Variants in CLVS1 observed in about 807,000 individuals in gnomAD.
CLVS1 encodes the protein clavesin-1.
Under a neutral mutation model 33.1 loss-of-function variants are expected in CLVS1, and 10 were observed. That is an observed-to-expected ratio of 0.30 (90% CI 0.19 to 0.51). The LOEUF (loss-of-function observed/expected upper bound fraction) is 0.51. Ranked by LOEUF, CLVS1 falls within the 20% of genes least tolerant of loss-of-function variation. The pLI, the probability that CLVS1 is intolerant of heterozygous loss-of-function variation, is 0.97. For synonymous variants in CLVS1, 163 were observed against 166.1 expected (o/e 0.98, Z 0.14); for missense variants, 343 against 433.4 (o/e 0.79, Z 1.85).
At chr8:61,149,160 C>G (rs1479824707) in intron 2 of CLVS1, among the ~76,000 whole-genome samples, 1 of 151,994 alleles carries the variant, frequency 6.6e-6, no homozygotes, top group African/African-American at 2.4e-5. Flanking sequence ...TGCTGTATCC[C>G]AGGTGCCCAA....
chr8:61,171,826 G>A (rs867172871), intron 2 of CLVS1, among the ~76,000 whole-genome samples: 1 of 152,140 alleles, frequency 6.6e-6, no homozygotes, highest in Non-Finnish European at 1.5e-5. Context: ...CGATATGGAC[G>A]AGAAATACTT....
chr8:61,156,287 C>G (rs918886594), intron 2 of CLVS1, among the ~76,000 whole-genome samples: 2 of 151,766 alleles, frequency 1.3e-5, no homozygotes, highest in African/African-American at 4.8e-5. Context: ...TCTCCACCTC[C>G]CCCGAGAAGC....
At chr8:61,266,029 A>G (rs539578561) in intron 2 of CLVS1, among the ~76,000 whole-genome samples, 3 of 152,220 alleles carry the variant, frequency 2.0e-5, no homozygotes, top group Admixed American at 2.0e-4. Flanking sequence ...GGACAGGTCT[A>G]AGGCTTCCTG....
chr8:61,256,649 A>C (rs572125508), intron 2 of CLVS1, among the ~76,000 whole-genome samples: 67 of 85,398 alleles, frequency 7.8e-4, no homozygotes, highest in East Asian at 2.7e-3. Flanking sequence ...CAAAAACAAA[A>C]AAAAAAAATA....
At chr8:61,038,448 T>C in the CLVS1 span, among the ~76,000 whole-genome samples, 1 of 147,246 alleles carries the variant, frequency 6.8e-6, no homozygotes, top group Non-Finnish European at 1.5e-5. Flanking sequence ...TATATATATA[T>C]ATATATATGA....
intron 3 of CLVS1, among the ~76,000 whole-genome samples, chr8:61,413,803 T>C (rs142029969): frequency 4.0e-4 from 61 of 152,310 alleles, no homozygotes; most frequent in African/African-American, 1.4e-3. Context: ...CATTCAGGTG[T>C]GTCTGCCATG....
the CLVS1 span, among the ~76,000 whole-genome samples, chr8:60,968,544 CTGTA>C: frequency 2.7e-5 from 4 of 150,022 alleles, no homozygotes; most frequent in Admixed American, 6.7e-5. Flanking sequence ...AATTTATAAC[CTGTA>C]TGAGTTTAAT....
intron 3 of CLVS1, among the ~76,000 whole-genome samples, chr8:61,420,729 T>A (rs1470263073): frequency 6.6e-6 from 1 of 151,798 alleles, no homozygotes; most frequent in East Asian, 1.9e-4. Context: ...AGCACTTCGG[T>A]AGGCTGAGGC....
chr8:61,132,018 G>T (rs1379632222), intron 2 of CLVS1, among the ~76,000 whole-genome samples: 4 of 152,262 alleles, frequency 2.6e-5, no homozygotes, highest in Non-Finnish European at 5.9e-5. Context: ...TGGGTGGGGT[G>T]CCTCTGGCAC....
chr8:61,409,148 ACACATATAATATATAAACATT>A (rs1815116685), intron 3 of CLVS1, among the ~76,000 whole-genome samples: 2 of 152,226 alleles, frequency 1.3e-5, no homozygotes, highest in Non-Finnish European at 2.9e-5. Flanking sequence ...AATATGACTG[ACACATATAATATATAAACATT>A]TTTGAATAGG....
chr8:61,215,479 A>G (rs1808063761), intron 2 of CLVS1, among the ~76,000 whole-genome samples: 2 of 152,076 alleles, frequency 1.3e-5, no homozygotes, highest in Admixed American at 1.3e-4. Flanking sequence ...GGTCAACCTC[A>G]TGAGCTAGCT....
chr8:61,262,531 T>A (rs552555599), intron 2 of CLVS1, among the ~76,000 whole-genome samples: 1 of 152,090 alleles, frequency 6.6e-6, no homozygotes, highest in East Asian at 1.9e-4. Context: ...TCCAGGCCCA[T>A]CTGATAAGAA....
chr8:61,104,707 A>G (rs1805504211), intron 1 of CLVS1, among the ~76,000 whole-genome samples: 1 of 152,224 alleles, frequency 6.6e-6, no homozygotes, highest in African/African-American at 2.4e-5. Flanking sequence ...TTTAGAGACC[A>G]GGTCTTGCTC....
At chr8:61,437,787 G>A (rs552710543) in intron 3 of CLVS1, among the ~76,000 whole-genome samples, 2 of 152,302 alleles carry the variant, frequency 1.3e-5, no homozygotes, top group East Asian at 3.9e-4. Context: ...TTTGAGATGG[G>A]AGTTTATGAA....
At chr8:61,316,360 G>A (rs1344669396) in intron 2 of CLVS1, among the ~76,000 whole-genome samples, 2 of 152,322 alleles carry the variant, frequency 1.3e-5, no homozygotes, top group East Asian at 1.9e-4. Context: ...TTTGGTGGAA[G>A]AGGAGATACC....
intron 2 of CLVS1, among the ~76,000 whole-genome samples, chr8:61,269,329 A>T (rs1809382494): frequency 6.6e-6 from 1 of 152,034 alleles, no homozygotes; most frequent in Non-Finnish European, 1.5e-5. Flanking sequence ...ATAGTTGTAG[A>T]TGTGTGGTAT....
At chr8:61,262,442 A>G (rs1447759561) in intron 2 of CLVS1, among the ~76,000 whole-genome samples, 1 of 152,070 alleles carries the variant, frequency 6.6e-6, no homozygotes, top group Non-Finnish European at 1.5e-5. Flanking sequence ...AGGCAGAAGT[A>G]GGAGGATTGC....
intron 3 of CLVS1, among the ~76,000 whole-genome samples, chr8:61,405,265 A>T (rs1486263335): frequency 6.6e-6 from 1 of 152,178 alleles, no homozygotes; most frequent in African/African-American, 2.4e-5. Context: ...TGTTCATTGG[A>T]GAAAACATCT....
chr8:61,357,404 C>T (rs1486363212), intron 2 of CLVS1, among the ~76,000 whole-genome samples: 1 of 147,614 alleles, frequency 6.8e-6, no homozygotes. Flanking sequence ...ATTGTTGAAT[C>T]AAATGGTAAG....
Sources: gnomAD v4.1 joint callset for allele counts (sites outside exome capture counted in the v4.1 genomes callset) on GRCh38, gnomAD v4.1.1 for gene constraint, MANE v1.5 for transcripts, NCBI Gene and HGNC (gene_info 2026-07-23, HGNC 2026-07-21) for gene names.